ADAMTS14: variants seen among roughly 807,000 people sequenced by gnomAD.
ADAMTS14 encodes the protein A disintegrin and metalloproteinase with thrombospondin motifs 14.
In ADAMTS14, 100 loss-of-function variants were observed where a neutral mutation model predicts 128.6. That is an observed-to-expected ratio of 0.78 (90% CI 0.66 to 0.92). ADAMTS14 has a LOEUF of 0.92. Among genes scored for constraint, ADAMTS14 ranks in the 40% least tolerant of loss-of-function variants. The pLI is 0.00. For synonymous variants in ADAMTS14, 665 were observed against 653.8 expected, an observed-to-expected ratio of 1.02 and a Z score of -0.26; for missense variants, 1,562 against 1,658.6, an observed-to-expected ratio of 0.94 and a Z score of 1.01.
chr10:70,708,451 C>A (rs1840731640), intron 3 of ADAMTS14, 137 bp from the exon 4 acceptor site: 2 of 714,462 alleles, frequency 2.8e-6, no homozygotes, highest in Non-Finnish European at 4.5e-6. Flanking sequence ...TAGTATGGAG[C>A]AATCCCTCAT....
rs537765187 is a variant in ADAMTS14, at chr10:70,690,139, G to T, written c.523-12173G>T. ...GTGAATATGTGCTATTGCAGGCAAGGGTTTAGGAGAAGCAAGTTACAGAGA... is the reference window on the plus strand; with the variant it reads ...GTGAATATGTGCTATTGCAGGCAAGTGTTTAGGAGAAGCAAGTTACAGAGA... On this transcript the variant is annotated intron_variant, in intron 2 of 21. Transcript: ENST00000373207. Among the ~76,000 whole-genome samples, 36 of 144,328 alleles carry T rather than the reference G, an allele frequency of 2.5e-4. 3 individuals are homozygous for T. The East Asian group carries it at 6.4e-3, about 26-fold the overall frequency. 94.7% of individuals were successfully genotyped at this position (144,328 alleles called of 152,430 possible).
intron 15 of ADAMTS14, 50 bp downstream of exon 15, chr10:70,745,356 T>G (rs1398058883): frequency 3.8e-6 from 6 of 1,597,628 alleles, no homozygotes; most frequent in Non-Finnish European, 5.1e-6. Flanking sequence ...GGCCCTGCCC[T>G]CTGACTTGGG....
rs111964017 is a variant in ADAMTS14 at position 70,703,239 on chromosome 10, G to A, written c.679+771G>A. Among the ~76,000 whole-genome samples, 269 of 152,326 alleles carry A rather than the reference G, an allele frequency of 1.8e-3. 2 individuals carry two copies. Among genetic ancestry groups the A allele is most frequent in the African/African-American group, 5.8e-3 (240 of 41,576 alleles). Reference sequence around the variant, plus strand: ...AGGCACTCAAGACTTATGGTTGGGCGAATGAAACTGGATGTGACAAGTGCT... The same window carrying A: ...AGGCACTCAAGACTTATGGTTGGGCAAATGAAACTGGATGTGACAAGTGCT... On this transcript the variant is annotated intron_variant, in intron 3 of 21. Coordinates refer to ENST00000373207, the MANE Select transcript of ADAMTS14 (RefSeq NM_080722.4).
At chr10:70,726,808 G>C (rs77422922) in intron 4 of ADAMTS14, among the ~76,000 whole-genome samples, 23,493 of 152,176 alleles carry the variant, frequency 0.15, 2,193 homozygotes, top group Non-Finnish European at 0.22. Flanking sequence ...TCCCTCCTAG[G>C]ATAAGTCTAG....
chr10:70,717,330 G>A (rs1194751007), intron 4 of ADAMTS14, among the ~76,000 whole-genome samples: 1 of 152,118 alleles, frequency 6.6e-6, no homozygotes. Flanking sequence ...AGCCTGCCCT[G>A]GGGGAGAGGG....
At position 70,707,273 on chromosome 10, in the gene ADAMTS14, C is replaced by T. The variant is rs144948265; in HGVS notation, c.680-1315C>T. Among the ~76,000 whole-genome samples the T allele has an allele frequency of 2.9e-4, 44 of 152,360 alleles. No homozygotes were observed. The East Asian group carries it at 7.5e-3, about 26-fold the overall frequency. The stretch of plus-strand genomic sequence containing the variant: ...TAGTATGGGGCCCCTCCTGCTGCCA[C>T]ACCCCTAATACATGCTGGGGATATT... On this transcript the variant is annotated intron_variant, in intron 3 of 21. Transcript: ENST00000373207.
rs748259077 is a variant in ADAMTS14, at chr10:70,739,019, G to T, written c.1748+29G>T. The T allele has an allele frequency of 1.9e-6, 3 of 1,578,062 alleles. No homozygotes were observed. In the Admixed American group the frequency reaches 5.1e-5, roughly 27 times the overall value. On this transcript the variant is annotated intron_variant, in intron 11 of 21. Coordinates refer to ENST00000373207, the MANE Select transcript of ADAMTS14 (RefSeq NM_080722.4). ...AGTGTGCTTGGCTAGGGTGGGGAGGGCAGGGAGTCCCTCCCCAGGGCGGAG... is the reference window on the plus strand; with the variant it reads ...AGTGTGCTTGGCTAGGGTGGGGAGGTCAGGGAGTCCCTCCCCAGGGCGGAG...
chr10:70,690,793 A>G (rs1000207462), intron 2 of ADAMTS14, among the ~76,000 whole-genome samples: 4 of 145,112 alleles, frequency 2.8e-5, no homozygotes, highest in African/African-American at 9.8e-5. Context: ...TTCAAACTGC[A>G]GGGCCTCCAC....
At chr10:70,729,455 G>A (rs927903412) in intron 5 of ADAMTS14, 78 bp downstream of exon 5, 7 of 1,198,616 alleles carry the variant, frequency 5.8e-6, no homozygotes, top group Non-Finnish European at 8.7e-6. Context: ...CAATGGTGTG[G>A]GCTGCAGGGG....
intron 12 of ADAMTS14, 73 bp downstream of exon 12, chr10:70,741,235 C>T: frequency 6.6e-7 from 1 of 1,519,948 alleles, no homozygotes; most frequent in Non-Finnish European, 8.9e-7. Context: ...CCAGGCAGGG[C>T]CTCCTACCCC....
At chr10:70,702,548 G>A in intron 3 of ADAMTS14, 80 bp downstream of exon 3, 1 of 1,501,124 alleles carries the variant, frequency 6.7e-7, no homozygotes, top group East Asian at 2.3e-5. Context: ...TCCTTAAGCT[G>A]TCCATGTCTG....
intron 4 of ADAMTS14, among the ~76,000 whole-genome samples, chr10:70,718,778 C>T (rs1358425173): frequency 6.6e-6 from 1 of 151,936 alleles, no homozygotes; most frequent in Non-Finnish European, 1.5e-5. Flanking sequence ...ACCTTCTGGG[C>T]TCAAGGGATC....
At chr10:70,734,132 G>T in intron 8 of ADAMTS14, 104 bp downstream of exon 8, 1 of 1,459,576 alleles carries the variant, frequency 6.9e-7, no homozygotes, top group South Asian at 1.3e-5. Context: ...CCCCTGGCTT[G>T]ACTCTTCCGT....
At chr10:70,676,236 C>A (rs1196958127) in intron 2 of ADAMTS14, among the ~76,000 whole-genome samples, 2 of 152,130 alleles carry the variant, frequency 1.3e-5, no homozygotes, top group Non-Finnish European at 2.9e-5. Context: ...AACTCCTGGC[C>A]TCCAGCCATC....
chr10:70,721,655 G>A (rs952378367), intron 4 of ADAMTS14, among the ~76,000 whole-genome samples: 6 of 152,176 alleles, frequency 3.9e-5, no homozygotes, highest in African/African-American at 1.4e-4. Context: ...CCAAAGTGCT[G>A]GGATTACAGG....
At chr10:70,744,723 G>A (rs948046097) in intron 14 of ADAMTS14, among the ~76,000 whole-genome samples, 8 of 152,144 alleles carry the variant, frequency 5.3e-5, no homozygotes, top group Admixed American at 5.2e-4. Flanking sequence ...ATTTTCCCTT[G>A]GGAGATGTTA....
At chr10:70,740,689 A>G (rs1030756164) in intron 11 of ADAMTS14, among the ~76,000 whole-genome samples, 1 of 152,242 alleles carries the variant, frequency 6.6e-6, no homozygotes, top group Non-Finnish European at 1.5e-5. Context: ...CTTCCAGTCC[A>G]GCTGGAGAGG....
At position 70,759,129 on chromosome 10, in the gene ADAMTS14, T is replaced by TTTTTTTTTTTTTTTTTTTTGAG. The variant is rs1485675752; in HGVS notation, c.3178+844_3178+845insTTTTTTTTTTTTTTTTTTTGAG. On this transcript the variant is annotated intron_variant, in intron 21 of 21. Transcript: ENST00000373207. ...AAAGGACCTTCTACCTCCAATCTTC[T>TTTTTTTTTTTTTTTTTTTTGAG]ACTTCTCTGCTCCTAGGCTGAGGTT... 4.4e-5 allele frequency among the ~76,000 whole-genome samples: 5 copies of TTTTTTTTTTTTTTTTTTTTGAG among 112,600 alleles called. 1 individual carries two copies. Among genetic ancestry groups the TTTTTTTTTTTTTTTTTTTTGAG allele is most frequent in the African/African-American group, 6.6e-5 (2 of 30,258 alleles). 73.9% of individuals were successfully genotyped at this position (112,600 alleles called of 152,430 possible).
intron 2 of ADAMTS14, among the ~76,000 whole-genome samples, chr10:70,696,867 T>C (rs1427120792): frequency 6.6e-6 from 1 of 152,108 alleles, no homozygotes; most frequent in African/African-American, 2.4e-5. Flanking sequence ...CAGGTGGCCC[T>C]GTTGAGGGGA....
Sources: gnomAD v4.1 joint callset for allele counts (sites outside exome capture counted in the v4.1 genomes callset) on GRCh38, gnomAD v4.1.1 for gene constraint, MANE v1.5 for transcripts, NCBI Gene and HGNC (gene_info 2026-07-23, HGNC 2026-07-21) for gene names.